MYBPHL: variants seen among roughly 807,000 people sequenced by gnomAD.
MYBPHL encodes myosin-binding protein H-like.
Under a neutral mutation model 39.5 loss-of-function variants are expected in MYBPHL, and 32 were observed. That is an observed-to-expected ratio of 0.81 (90% confidence interval 0.61 to 1.09). The LOEUF (loss-of-function observed/expected upper bound fraction) is 1.09, where lower values mean the gene tolerates loss of function less well. Ranked by LOEUF, MYBPHL falls within the 50% of genes least tolerant of loss-of-function variation. MYBPHL has a pLI of 0.00. For missense variants in MYBPHL, 456 were observed against 460.2 expected, an observed-to-expected ratio of 0.99 and a Z score of 0.08; for synonymous variants, 196 against 183.7, an observed-to-expected ratio of 1.07 and a Z score of -0.54.
chr1:109,306,403 G>A (rs963568157), intron 1 of MYBPHL, among the ~76,000 whole-genome samples: 5 of 152,130 alleles, frequency 3.3e-5, no homozygotes, highest in African/African-American at 9.7e-5. Flanking sequence ...GCAGGAGGCC[G>A]AGTGTCACTG....
intron 1 of MYBPHL, among the ~76,000 whole-genome samples, chr1:109,303,769 G>A (rs556830385): frequency 2.0e-5 from 3 of 152,082 alleles, no homozygotes; most frequent in African/African-American, 7.2e-5. Flanking sequence ...TCCCTGCACT[G>A]GCTGGCTGGC....
rs540372486 is a variant in MYBPHL, at chr1:109,293,732, T to C, written c.*33+474A>G. Among the ~76,000 whole-genome samples, 32 of 108,812 alleles carry C rather than the reference T, an allele frequency of 2.9e-4. No homozygotes were observed. The East Asian group carries it at 9.4e-3, about 32-fold the overall frequency. 71.4% of individuals were successfully genotyped at this position (108,812 alleles called of 152,430 possible). On this transcript the variant is annotated intron_variant, in intron 8 of 8. Coordinates refer to ENST00000357155, the MANE Select transcript of MYBPHL (RefSeq NM_001010985.3). ...TCCGGCCTGGGCGACAAAGCGAGAC[T>C]CTGTCTCAAAATAAATAAATAAATA...
rs538900223 is a variant in MYBPHL, at chr1:109,296,501, C to T, written c.731-131G>A. 1,332 of 1,186,706 alleles carry T rather than the reference C, an allele frequency of 1.1e-3. 5 individuals carry two copies. The highest frequency in any genetic ancestry group is 1.4e-3 in the Non-Finnish European group (1,226 of 847,516). The allele number at this position is 1,186,706 out of a possible 1,614,324, so 73.5% of individuals were successfully genotyped here. A position where few individuals can be genotyped will look rare whatever the true frequency, so the allele number is the denominator to read the frequency against. On this transcript the variant is annotated intron_variant, in intron 5 of 8. Coordinates refer to ENST00000357155, the MANE Select transcript of MYBPHL (RefSeq NM_001010985.3). ...TTGCCCAGGCTGGAGTGCAGTGGCA[C>T]GATCTCAGCTCACTGCAACCTCCAA...
Position 109,297,122 on chromosome 1 carries a change from C to T in MYBPHL, c.498G>A (p.Trp166Ter). 1 of 1,614,168 alleles carries T rather than the reference C, an allele frequency of 6.2e-7. No homozygotes were observed. Among genetic ancestry groups the T allele is most frequent in the Non-Finnish European group, 8.5e-7 (1 of 1,180,024 alleles). Residue 166 changes from tryptophan to a stop codon, truncating the protein, a stop_gained, in exon 4 of 9, where the codon TGG becomes TGA. Coordinates refer to ENST00000357155, the MANE Select transcript of MYBPHL (RefSeq NM_001010985.3). LOFTEE classifies it high-confidence loss of function. ...TATTCCCCGTATCTTGGGGCGGTGT[C>T]CATTCCAGTGTAGCGCTGAAGCCCC... ...DVWGFSATLE[W>*]TPPQDTGNTA... is the part of the protein sequence containing the mutation.
chr1:109,304,246 G>A (rs1048355363), intron 1 of MYBPHL, among the ~76,000 whole-genome samples: 4 of 152,242 alleles, frequency 2.6e-5, no homozygotes, highest in Middle Eastern at 3.4e-3. Flanking sequence ...CTAGAAGAGC[G>A]CCTGGCACAT....
Position 109,296,917 on chromosome 1 carries a change from T to A in MYBPHL, c.596A>T (p.Tyr199Phe), listed in dbSNP as rs776076034. 18 of 1,614,124 alleles carry A rather than the reference T, an allele frequency of 1.1e-5. No individual in the cohort carries two copies. In the East Asian group the frequency reaches 3.3e-4, roughly 30 times the overall value. Residue 199 changes from tyrosine to phenylalanine, a missense_variant, in exon 5 of 9, where the codon TAT becomes TTT. By Grantham distance (22) the Tyr-to-Phe change is conservative (BLOSUM62 3). Transcript: ENST00000357155. Reference protein sequence around the residue: ...SGLWFTVLEHYHRTSCIVSDL... With the variant: ...SGLWFTVLEHFHRTSCIVSDL... ...AGAGACGATGCAGCTGGTGCGGTGA[T>A]AGTGCTCCAGCACCGTGAACCACAG...
At chr1:109,292,809 A>G (rs1173230716) in intron 8 of MYBPHL, 2 of 152,222 alleles carry the variant, frequency 1.3e-5, no homozygotes, top group African/African-American at 2.4e-5. Context: ...AATTTCCATC[A>G]GCCAGCAGCT....
chr1:109,300,337 A>G (rs1658236758), intron 1 of MYBPHL, among the ~76,000 whole-genome samples: 1 of 152,188 alleles, frequency 6.6e-6, no homozygotes, highest in African/African-American at 2.4e-5. Flanking sequence ...CCACCCAGCA[A>G]TGAGCACCAT....
At chr1:109,301,865 T>C (rs191624304) in intron 1 of MYBPHL, among the ~76,000 whole-genome samples, 1 of 152,368 alleles carries the variant, frequency 6.6e-6, no homozygotes, top group Admixed American at 6.5e-5. Context: ...TGTTTTACTA[T>C]TCTATAATTG....
chr1:109,293,920 C>T (rs538703760), intron 8 of MYBPHL, among the ~76,000 whole-genome samples: 19 of 151,950 alleles, frequency 1.3e-4, no homozygotes, highest in Non-Finnish European at 2.4e-4. Context: ...AAAAATTAGC[C>T]GGGCATGGTG....
At chr1:109,305,272 CA>C (rs1658423994) in intron 1 of MYBPHL, among the ~76,000 whole-genome samples, 1 of 152,218 alleles carries the variant, frequency 6.6e-6, no homozygotes, top group Non-Finnish European at 1.5e-5. Context: ...GATTTGAACT[CA>C]TGACTTCTTT....
chr1:109,296,031 A>G (rs998378582), intron 6 of MYBPHL, among the ~76,000 whole-genome samples: 5 of 152,320 alleles, frequency 3.3e-5, no homozygotes, highest in African/African-American at 9.6e-5. Context: ...AGAAACAAAC[A>G]TTCAAAAGGA....
intron 1 of MYBPHL, among the ~76,000 whole-genome samples, chr1:109,304,255 A>G (rs958565253): frequency 2.6e-5 from 4 of 151,978 alleles, no homozygotes; most frequent in Admixed American, 6.6e-5. Context: ...CGCCTGGCAC[A>G]TCATAGGCAC....
chr1:109,293,994 G>A (rs967239123), intron 8 of MYBPHL, among the ~76,000 whole-genome samples: 32 of 152,046 alleles, frequency 2.1e-4, no homozygotes, highest in African/African-American at 7.0e-4. Flanking sequence ...AACCCAGGAG[G>A]CAGAGGTTGC....
intron 1 of MYBPHL, among the ~76,000 whole-genome samples, chr1:109,305,679 T>C (rs1263141392): frequency 6.6e-6 from 1 of 152,226 alleles, no homozygotes; most frequent in East Asian, 1.9e-4. Context: ...CACTAACTTT[T>C]GCTCCCTTCA....
chr1:109,296,176 T>G, intron 6 of MYBPHL, 58 bp downstream of exon 6: 6 of 1,595,708 alleles, frequency 3.8e-6, no homozygotes, highest in Non-Finnish European at 5.1e-6. Context: ...CAGCTTAGGT[T>G]AGGACAGGCA....
intron 6 of MYBPHL, 67 bp from the exon 7 acceptor site, chr1:109,295,364 T>C: frequency 6.9e-7 from 1 of 1,447,192 alleles, no homozygotes; most frequent in Non-Finnish European, 9.4e-7. Context: ...CTTTCTGTGC[T>C]CAGTTTCTGG....
rs749529822 is a variant in MYBPHL, at chr1:109,297,416, C to A, written c.430+6G>T. 6.2e-7 allele frequency: 1 copy of A among 1,610,064 alleles called. No individual in the cohort carries two copies. Among genetic ancestry groups the A allele is most frequent in the African/African-American group, 1.3e-5 (1 of 74,846 alleles). On this transcript the variant is annotated splice_donor_region_variant and intron_variant, in intron 3 of 8. Transcript: ENST00000357155. ...ACCCCCCCATCTCCCACTTCCCCCACCGTACCAATCACCAGGATGTCAATG... is the reference window on the plus strand; with the variant it reads ...ACCCCCCCATCTCCCACTTCCCCCAACGTACCAATCACCAGGATGTCAATG...
chr1:109,303,221 T>C (rs936317472), intron 1 of MYBPHL, among the ~76,000 whole-genome samples: 1 of 152,212 alleles, frequency 6.6e-6, no homozygotes, highest in Non-Finnish European at 1.5e-5. Context: ...CAGCAATTCT[T>C]TGGCACCACT....
Sources: gnomAD v4.1 joint callset for allele counts (sites outside exome capture counted in the v4.1 genomes callset) on GRCh38, gnomAD v4.1.1 for gene constraint, MANE v1.5 for transcripts, NCBI Gene and HGNC (gene_info 2026-07-23, HGNC 2026-07-21) for gene names.